Variants in MRO observed in about 807,000 individuals in gnomAD.
The protein encoded by MRO is maestro.
MRO carries 28 observed loss-of-function variants against 31.0 expected under a neutral mutation model. That is an observed-to-expected ratio of 0.90 (90% CI 0.67 to 1.24). The LOEUF (loss-of-function observed/expected upper bound fraction) is 1.24. MRO is among the 50% of genes most tolerant of loss of function. MRO has a pLI of 0.00. For synonymous variants in MRO, 108 were observed against 108.4 expected (o/e 1.00, Z 0.02); for missense variants, 332 against 289.2 (o/e 1.15, Z -1.07).
chr18:50,815,961 G>C (rs572454789), intron 2 of MRO, among the ~76,000 whole-genome samples: 1 of 152,158 alleles, frequency 6.6e-6, no homozygotes, highest in Non-Finnish European at 1.5e-5. Flanking sequence ...TTGAACCCGG[G>C]AGGCAGAGGT....
chr18:50,821,375 A>G (rs1011924874), upstream of MRO, among the ~76,000 whole-genome samples: 2 of 152,208 alleles, frequency 1.3e-5, no homozygotes, highest in Non-Finnish European at 2.9e-5. Context: ...ACTGAGAGGA[A>G]TGGGCGAGTT....
rs1269358648 is a variant in MRO, at chr18:50,796,299, CT to C, written c.*3037del. 6.6e-6 allele frequency: 1 copy of C among 151,802 alleles called. No homozygotes were observed. The highest frequency in any genetic ancestry group is 1.5e-5 in the Non-Finnish European group (1 of 67,976). 9.4% of individuals were successfully genotyped at this position (151,802 alleles called of 1,614,324 possible). On this transcript the variant is annotated 3_prime_UTR_variant, in exon 8 of 8. Coordinates refer to ENST00000398439, the MANE Select transcript of MRO (RefSeq NM_031939.6). ...AGATGACTTTCTGACATTTTTCCCC[CT>C]AATCAACATTCATTTACAGAGTACT...
At chr18:50,809,247 T>G in intron 3 of MRO, 55 bp downstream of exon 3, 1 of 1,325,408 alleles carries the variant, frequency 7.5e-7, no homozygotes. Flanking sequence ...CAAACATACA[T>G]CTTACAAAAC....
upstream of MRO, among the ~76,000 whole-genome samples, chr18:50,822,132 G>C (rs1915324513): frequency 6.6e-6 from 1 of 152,190 alleles, no homozygotes. Flanking sequence ...AGGATTTAAT[G>C]ACTCTATTTT....
chr18:50,800,173 A>G, intron 6 of MRO, 30 bp from the exon 7 acceptor site: 2 of 1,452,926 alleles, frequency 1.4e-6, no homozygotes, highest in South Asian at 2.4e-5. Flanking sequence ...TATTTTATTT[A>G]TTAGAGAGTT....
chr18:50,823,064 C>G (rs1340548711), upstream of MRO, among the ~76,000 whole-genome samples: 1 of 152,108 alleles, frequency 6.6e-6, no homozygotes, highest in Admixed American at 6.5e-5. Context: ...TTAGTGAAAC[C>G]TGTTAGACAG....
intron 2 of MRO, among the ~76,000 whole-genome samples, chr18:50,817,725 G>A (rs552577803): frequency 3.3e-5 from 5 of 151,734 alleles, no homozygotes; most frequent in Non-Finnish European, 5.9e-5. Context: ...AGCTGGGGCC[G>A]AGGGATGAGA....
At chr18:50,801,767 A>G (rs1056656468) in intron 5 of MRO, among the ~76,000 whole-genome samples, 4 of 152,166 alleles carry the variant, frequency 2.6e-5, no homozygotes, top group African/African-American at 9.7e-5. Flanking sequence ...TAGCCTGGGA[A>G]ATCACTAGTG....
rs185020059 is a variant in MRO, at chr18:50,812,287, T to C, written c.-4-2883A>G. Among the ~76,000 whole-genome samples, 904 of 152,332 alleles carry C rather than the reference T, an allele frequency of 5.9e-3. 20 individuals are homozygous for C. The East Asian group carries it at 0.075, about 13-fold the overall frequency. On this transcript the variant is annotated intron_variant, in intron 2 of 7. Transcript: ENST00000398439. ...ACTAATGAGGCTAAGCATCTTTTCG[T>C]GTGCTTGTTGGTGATTTCTATGTCT... is the stretch of plus-strand genomic sequence containing the variant.
At chr18:50,819,832 G>A in intron 1 of MRO, 65 bp downstream of exon 1, 1 of 1,537,646 alleles carries the variant, frequency 6.5e-7, no homozygotes, top group East Asian at 2.4e-5. Flanking sequence ...TTGGGCAGGG[G>A]AGGGAATTGT....
chr18:50,807,208 C>T (rs1033971681), intron 3 of MRO, among the ~76,000 whole-genome samples: 3 of 152,056 alleles, frequency 2.0e-5, no homozygotes, highest in Non-Finnish European at 2.9e-5. Context: ...AAAGGTGTGC[C>T]GTTACTCCTC....
At chr18:50,801,560 T>C in intron 5 of MRO, 56 bp from the exon 6 acceptor site, 1 of 1,516,428 alleles carries the variant, frequency 6.6e-7, no homozygotes, top group South Asian at 1.3e-5. Flanking sequence ...AAAAGGCAAC[T>C]GCATCTGAAC....
chr18:50,813,976 C>T (rs1179368688), intron 2 of MRO, among the ~76,000 whole-genome samples: 1 of 152,238 alleles, frequency 6.6e-6, no homozygotes, highest in East Asian at 1.9e-4. Flanking sequence ...ACACATGTAC[C>T]CCTGAAACTA....
intron 3 of MRO, among the ~76,000 whole-genome samples, chr18:50,807,584 A>T (rs1418520947): frequency 2.0e-5 from 3 of 152,032 alleles, no homozygotes; most frequent in Non-Finnish European, 4.4e-5. Flanking sequence ...TTAATCTAGT[A>T]CACATCTACA....
At chr18:50,822,427 C>T (rs957295088), upstream of MRO, among the ~76,000 whole-genome samples, 1 of 152,166 alleles carries the variant, frequency 6.6e-6, no homozygotes, top group African/African-American at 2.4e-5. Context: ...CAACCTCCGC[C>T]TCCCAGGTTC....
Position 50,798,875 on chromosome 18 carries a change from G to T in MRO, c.*462C>A, listed in dbSNP as rs914004980. 1 of 150,706 alleles carries T rather than the reference G, an allele frequency of 6.6e-6. No homozygotes were observed. The highest frequency in any genetic ancestry group is 2.5e-5 in the African/African-American group (1 of 40,764). The allele number at this position is 150,706 out of a possible 1,614,324, so 9.3% of individuals were successfully genotyped here. ...TTTAAATAAATCTTGGCAAGTAAAG[G>T]TATCAATAGCAAAGTATCAATAGCA... On this transcript the variant is annotated 3_prime_UTR_variant, in exon 8 of 8. Transcript: ENST00000398439.
chr18:50,800,400 G>A (rs1799200072), intron 6 of MRO, among the ~76,000 whole-genome samples: 1 of 152,300 alleles, frequency 6.6e-6, no homozygotes, highest in South Asian at 2.1e-4. Flanking sequence ...ATCAAAAGTA[G>A]TACTGGATTC....
At chr18:50,823,954 T>C (rs915414835), upstream of MRO, 2 of 154,958 alleles carry the variant, frequency 1.3e-5, no homozygotes, top group African/African-American at 2.4e-5. Context: ...ATATACACCA[T>C]ATTTACAGAG....
upstream of MRO, among the ~76,000 whole-genome samples, chr18:50,823,426 T>G (rs867939629): frequency 6.6e-6 from 1 of 152,210 alleles, no homozygotes; most frequent in Non-Finnish European, 1.5e-5. Flanking sequence ...CCAAACTCTA[T>G]AAACAGTAAG....
Sources: gnomAD v4.1 joint callset for allele counts (sites outside exome capture counted in the v4.1 genomes callset) on GRCh38, gnomAD v4.1.1 for gene constraint, MANE v1.5 for transcripts, NCBI Gene and HGNC (gene_info 2026-07-23, HGNC 2026-07-21) for gene names.